The following HSD17B11 variants were observed in gnomAD, a reference collection of about 807,000 sequenced individuals.
The protein encoded by HSD17B11 is estradiol 17-beta-dehydrogenase 11.
Under a neutral mutation model 27.8 loss-of-function variants are expected in HSD17B11, and 22 were observed. The observed-to-expected ratio is 0.79, with a 90% CI of 0.56 to 1.13. The LOEUF (loss-of-function observed/expected upper bound fraction) is 1.13, where lower values mean the gene tolerates loss of function less well. Among genes scored for constraint, HSD17B11 ranks in the 50% most tolerant of loss-of-function variants. The pLI is 0.00. For missense variants in HSD17B11, 314 were observed against 351.1 expected, an observed-to-expected ratio of 0.89 and a Z score of 0.84; for synonymous variants, 117 against 132.8, an observed-to-expected ratio of 0.88 and a Z score of 0.82.
intron 5 of HSD17B11, among the ~76,000 whole-genome samples, chr4:87,346,262 G>C (rs1578034361): frequency 6.6e-6 from 1 of 152,072 alleles, no homozygotes; most frequent in Admixed American, 6.6e-5. Context: ...GGAACAGAAG[G>C]GCATTTCTTC....
At chr4:87,382,192 G>A (rs1229543632) in intron 2 of HSD17B11, 63 bp downstream of exon 2, 3 of 1,181,856 alleles carry the variant, frequency 2.5e-6, no homozygotes, top group African/African-American at 3.0e-5. Context: ...TACAGACTGG[G>A]TCATCTCCAA....
At chr4:87,379,655 GTATAT>G (rs1366563799) in intron 2 of HSD17B11, among the ~76,000 whole-genome samples, 1 of 143,628 alleles carries the variant, frequency 7.0e-6, no homozygotes, top group East Asian at 2.0e-4. Context: ...GTATATGTAT[GTATAT>G]TATATATTAA....
At chr4:87,347,033 A>AAATTGTATT (rs1735283749) in intron 5 of HSD17B11, among the ~76,000 whole-genome samples, 1 of 151,142 alleles carries the variant, frequency 6.6e-6, no homozygotes, top group South Asian at 2.1e-4. Context: ...AGTAAACAGT[A>AAATTGTATT]AATTGTATTG....
intron 4 of HSD17B11, among the ~76,000 whole-genome samples, chr4:87,370,743 ATTATTATTATTAT>A (rs1735695402): frequency 6.4e-4 from 4 of 6,268 alleles, no homozygotes; most frequent in African/African-American, 3.3e-3. Context: ...TATTATTATT[ATTATTATTATTAT>A]TTTTTTTTTT....
intron 4 of HSD17B11, among the ~76,000 whole-genome samples, chr4:87,368,329 A>C (rs1033831209): frequency 2.2e-4 from 33 of 151,970 alleles, no homozygotes; most frequent in Admixed American, 1.6e-3. Flanking sequence ...AAAAACAAAA[A>C]ACACACACAC....
chr4:87,363,151 G>T (rs950243765), intron 4 of HSD17B11, among the ~76,000 whole-genome samples: 22 of 152,024 alleles, frequency 1.4e-4, no homozygotes, highest in African/African-American at 5.3e-4. Flanking sequence ...TTATGATGCA[G>T]CTTGGCCCCC....
intron 4 of HSD17B11, among the ~76,000 whole-genome samples, chr4:87,359,572 T>C (rs1012231303): frequency 5.3e-5 from 8 of 152,180 alleles, no homozygotes; most frequent in African/African-American, 1.7e-4. Context: ...CTACGTTGCA[T>C]AGGCTGGTTT....
intron 2 of HSD17B11, among the ~76,000 whole-genome samples, chr4:87,379,846 A>ATC (rs1720084990): frequency 1.4e-5 from 1 of 69,670 alleles, no homozygotes; most frequent in African/African-American, 9.6e-5. Flanking sequence ...ATACTATTAT[A>ATC]TATGTATATG....
chr4:87,386,591 A>G (rs1720325510), intron 1 of HSD17B11, among the ~76,000 whole-genome samples: 1 of 132,498 alleles, frequency 7.5e-6, no homozygotes, highest in East Asian at 1.9e-4. Flanking sequence ...AAATAAGCAG[A>G]TCTTCAAAAA....
rs765150541 is a variant in HSD17B11 at position 87,372,750 on chromosome 4, C to T, written c.516G>A (p.Ser172=). 11 of 1,613,662 alleles carry T rather than the reference C, an allele frequency of 6.8e-6. No individual in the cohort carries two copies. The highest frequency in any genetic ancestry group is 1.6e-4 in the Middle Eastern group (1 of 6,062). The part of the protein sequence containing the change: ...NNHGHIVTVA[S]AAGHVSVPFL... ...AGGGGACCGAGACATGTCCAGCTGCCGAAGCCACAGTGACAATATGGCCAT... is the reference window on the plus strand; with the variant it reads ...AGGGGACCGAGACATGTCCAGCTGCTGAAGCCACAGTGACAATATGGCCAT... Residue 172 remains serine (S), a synonymous_variant, in exon 4 of 7, where the codon TCG becomes TCA. Coordinates refer to ENST00000358290, the MANE Select transcript of HSD17B11 (RefSeq NM_016245.5).
At chr4:87,354,074 C>T in intron 5 of HSD17B11, among the ~76,000 whole-genome samples, 1 of 152,158 alleles carries the variant, frequency 6.6e-6, no homozygotes, top group Admixed American at 6.5e-5. Context: ...CTTTTGTTTT[C>T]TAACAAAAAT....
In HSD17B11 at chr4:87,378,821, TATATATATAA is replaced by T. The variant is rs1719998327; in HGVS notation, c.318+3424_318+3433del. ...TTTATATATATATATAAATATAAAA[TATATATATAA>T]ATATATATATATAAATATATATATA... On this transcript the variant is annotated intron_variant, in intron 2 of 6. Transcript: ENST00000358290. Among the ~76,000 whole-genome samples the T allele has an allele frequency of 1.7e-4, 7 of 40,468 alleles. 1 individual carries two copies. The highest frequency in any genetic ancestry group is 7.2e-4 in the Admixed American group (2 of 2,788). The allele number at this position is 40,468 out of a possible 152,430, so 26.5% of individuals were successfully genotyped here. A position where few individuals can be genotyped will look rare whatever the true frequency, so the allele number is the denominator to read the frequency against.
At position 87,373,971 on chromosome 4, in the gene HSD17B11, G is replaced by A. The variant is rs116113712; in HGVS notation, c.450+728C>T. The stretch of plus-strand genomic sequence containing the variant: ...TATATATAACTTAAGACCTTCAATG[G>A]TGAGGTTCACAATAAGGTTTGCAAT... On this transcript the variant is annotated intron_variant, in intron 3 of 6. Transcript: ENST00000358290. 9.3e-3 allele frequency among the ~76,000 whole-genome samples: 1,420 copies of A among 152,250 alleles called. 7 individuals carry two copies. Among genetic ancestry groups the A allele is most frequent in the Non-Finnish European group, 0.016 (1,069 of 68,020 alleles).
rs1422649830 is a variant in HSD17B11, at chr4:87,391,053, G to A, written c.18C>T (p.Asp6=). 2.5e-5 allele frequency: 40 copies of A among 1,612,988 alleles called. No homozygotes were observed. Among genetic ancestry groups the A allele is most frequent in the Non-Finnish European group, 3.3e-5 (39 of 1,179,558 alleles). The part of the protein sequence containing the change: MKFLL[D]ILLLLPLLIV... The stretch of plus-strand genomic sequence containing the variant: ...TCAGTAACGGGAGAAGCAGGAGGAT[G>A]TCCAGAAGAAATTTCATCCCTTTTG... The change falls in exon 1 of 7, where the codon GAC becomes GAT. Residue 6 remains aspartate (D), a synonymous_variant. Transcript: ENST00000358290.
intron 6 of HSD17B11, among the ~76,000 whole-genome samples, chr4:87,338,214 CCCCCACAGCA>C (rs1381541826): frequency 6.6e-6 from 1 of 150,822 alleles, no homozygotes; most frequent in Non-Finnish European, 1.5e-5. Flanking sequence ...GAGACTCCGT[CCCCCACAGCA>C]CCCCCCCAAA....
chr4:87,372,017 C>A (rs979033764), intron 4 of HSD17B11, among the ~76,000 whole-genome samples: 2 of 151,996 alleles, frequency 1.3e-5, no homozygotes, highest in Non-Finnish European at 2.9e-5. Flanking sequence ...CCGAGGCGGG[C>A]GGATCACGAG....
intron 5 of HSD17B11, among the ~76,000 whole-genome samples, chr4:87,346,737 T>A (rs1735277607): frequency 6.6e-6 from 1 of 152,050 alleles, no homozygotes; most frequent in Non-Finnish European, 1.5e-5. Context: ...GAAGTACTGT[T>A]TTTTTCCTAT....
chr4:87,346,863 C>A (rs1735280272), intron 5 of HSD17B11, among the ~76,000 whole-genome samples: 2 of 151,240 alleles, frequency 1.3e-5, no homozygotes, highest in Admixed American at 6.6e-5. Context: ...GACCTTGTCT[C>A]TAAAAGAAAA....
At chr4:87,376,503 C>CAAAAAAAAAAAAAAAAAAAAA (rs70957230) in intron 2 of HSD17B11, among the ~76,000 whole-genome samples, 1 of 63,186 alleles carries the variant, frequency 1.6e-5, no homozygotes, top group African/African-American at 4.8e-5. Context: ...GATTTCATCT[C>CAAAAAAAAAAAAAAAAAAAAA]AAAAAAAAAA....
Sources: allele counts gnomAD v4.1 joint callset (sites outside exome capture counted in the v4.1 genomes callset), GRCh38; gene constraint gnomAD v4.1.1; transcripts MANE v1.5; gene names NCBI Gene and HGNC (gene_info 2026-07-23, HGNC 2026-07-21).